The following KCNH8 variants were observed in gnomAD, a reference collection of about 807,000 sequenced individuals.
KCNH8 encodes voltage-gated delayed rectifier potassium channel KCNH8.
Under a neutral mutation model 103.6 loss-of-function variants are expected in KCNH8, and 70 were observed. The observed-to-expected ratio is 0.68, with a 90% CI of 0.56 to 0.82. The LOEUF (loss-of-function observed/expected upper bound fraction) is 0.82, where lower values mean the gene tolerates loss of function less well. KCNH8 is among the 40% of genes least tolerant of loss of function. The probability of loss-of-function intolerance (pLI) is 0.00; values close to 1 mark genes in which losing one functional copy is unlikely to be tolerated. For missense variants in KCNH8, 1,217 were observed against 1,329.9 expected (o/e 0.92, Z 1.32); for synonymous variants, 498 against 489.4 (o/e 1.02, Z -0.23).
chr3:19,348,078 C>A (rs1006052121), intron 5 of KCNH8, 113 bp downstream of exon 5: 1 of 1,304,414 alleles, frequency 7.7e-7, no homozygotes, highest in African/African-American at 1.5e-5. Context: ...CTTGATTCAG[C>A]CTCTGTTGCA....
chr3:19,181,205 T>A (rs2063450105), intron 1 of KCNH8, among the ~76,000 whole-genome samples: 1 of 152,174 alleles, frequency 6.6e-6, no homozygotes, highest in African/African-American at 2.4e-5. Context: ...AAGATATACT[T>A]TATCAAGAGG....
chr3:19,474,205 A>G (rs144249858), intron 11 of KCNH8, among the ~76,000 whole-genome samples: 56 of 152,346 alleles, frequency 3.7e-4, no homozygotes, highest in African/African-American at 1.2e-3. Flanking sequence ...ATTTAAATTT[A>G]AAACAAATTG....
chr3:19,514,529 A>T (rs956875832), intron 13 of KCNH8, among the ~76,000 whole-genome samples: 1 of 151,896 alleles, frequency 6.6e-6, no homozygotes, highest in Non-Finnish European at 1.5e-5. Flanking sequence ...TTTTGAGGAC[A>T]TACATCAAAA....
At chr3:19,352,713 C>G (rs1419836461) in intron 5 of KCNH8, among the ~76,000 whole-genome samples, 1 of 152,144 alleles carries the variant, frequency 6.6e-6, no homozygotes, top group Non-Finnish European at 1.5e-5. Context: ...ATACCAGAAT[C>G]TCTGGGACAC....
intron 11 of KCNH8, among the ~76,000 whole-genome samples, chr3:19,509,450 G>C (rs769798283): frequency 6.6e-6 from 1 of 152,036 alleles, no homozygotes; most frequent in Non-Finnish European, 1.5e-5. Flanking sequence ...GTGTATTTGA[G>C]CAAAAAACAA....
chr3:19,209,576 A>G (rs1387106848), intron 1 of KCNH8, among the ~76,000 whole-genome samples: 2 of 152,094 alleles, frequency 1.3e-5, no homozygotes, highest in Non-Finnish European at 2.9e-5. Flanking sequence ...AGTCATGTAG[A>G]CTACCTTAAA....
At chr3:19,199,779 A>G (rs2125216461) in intron 1 of KCNH8, among the ~76,000 whole-genome samples, 1 of 151,934 alleles carries the variant, frequency 6.6e-6, no homozygotes, top group East Asian at 1.9e-4. Flanking sequence ...AATTATATTG[A>G]TAAATGGCAG....
In KCNH8 at chr3:19,535,183, C is replaced by T. The variant is rs2069244810; in HGVS notation, c.*1084C>T. 6.6e-6 allele frequency: 1 copy of T among 152,122 alleles called. No individual in the cohort carries two copies. The highest frequency in any genetic ancestry group is 1.5e-5 in the Non-Finnish European group (1 of 68,026). 9.4% of individuals were successfully genotyped at this position (152,122 alleles called of 1,614,324 possible). Reference sequence around the variant, plus strand: ...GGAGAAAACCTGGGTGTGTCCTTTCCCAGTGCTTTTCTTTTACAAGAGGTA... The same window carrying T: ...GGAGAAAACCTGGGTGTGTCCTTTCTCAGTGCTTTTCTTTTACAAGAGGTA... On this transcript the variant is annotated 3_prime_UTR_variant, in exon 16 of 16. Coordinates refer to ENST00000328405, the MANE Select transcript of KCNH8 (RefSeq NM_144633.3).
At chr3:19,330,100 G>A (rs532531141) in intron 3 of KCNH8, among the ~76,000 whole-genome samples, 7 of 151,626 alleles carry the variant, frequency 4.6e-5, no homozygotes, top group East Asian at 3.9e-4. Context: ...TTTGTCTCCC[G>A]CAGCATCCAT....
chr3:19,379,654 A>C (rs1157941296), intron 5 of KCNH8, among the ~76,000 whole-genome samples: 1 of 152,134 alleles, frequency 6.6e-6, no homozygotes, highest in Non-Finnish European at 1.5e-5. Flanking sequence ...AAAAAGAAAA[A>C]AGAAAATAAC....
intron 1 of KCNH8, 39 bp from the exon 2 acceptor site, chr3:19,253,615 T>C: frequency 7.0e-7 from 1 of 1,419,126 alleles, no homozygotes; most frequent in Non-Finnish European, 1.0e-6. Flanking sequence ...TTCTCACACT[T>C]ATCTAGTTGC....
At chr3:19,233,562 G>A (rs546214345) in intron 1 of KCNH8, among the ~76,000 whole-genome samples, 36 of 152,252 alleles carry the variant, frequency 2.4e-4, no homozygotes, top group African/African-American at 8.2e-4. Context: ...GCAGATCCTT[G>A]AATAATATTG....
At chr3:19,466,908 G>A (rs1307053870) in intron 11 of KCNH8, among the ~76,000 whole-genome samples, 2 of 151,982 alleles carry the variant, frequency 1.3e-5, no homozygotes, top group Admixed American at 1.3e-4. Context: ...TGATCTGCCT[G>A]CCTCAGCTTC....
intron 11 of KCNH8, among the ~76,000 whole-genome samples, chr3:19,482,481 A>C (rs2068108002): frequency 1.3e-5 from 2 of 152,240 alleles, no homozygotes; most frequent in Non-Finnish European, 2.9e-5. Flanking sequence ...AGTAATTCAT[A>C]CAGTACACTT....
chr3:19,297,409 GTTAT>G (rs2065010579), intron 3 of KCNH8, among the ~76,000 whole-genome samples: 1 of 152,156 alleles, frequency 6.6e-6, no homozygotes. Flanking sequence ...GAAAATATAA[GTTAT>G]TTAACAGTTT....
intron 3 of KCNH8, among the ~76,000 whole-genome samples, chr3:19,299,039 G>A (rs532550133): frequency 6.6e-5 from 10 of 152,030 alleles, no homozygotes; most frequent in Non-Finnish European, 1.5e-4. Flanking sequence ...TTTGAGCAGA[G>A]TGGGAGGTCC....
intron 1 of KCNH8, among the ~76,000 whole-genome samples, chr3:19,175,501 G>A (rs1284726510): frequency 6.6e-6 from 1 of 152,094 alleles, no homozygotes; most frequent in Admixed American, 6.6e-5. Flanking sequence ...GAGCCCCCGC[G>A]CCCGGCCAAC....
intron 15 of KCNH8, among the ~76,000 whole-genome samples, chr3:19,518,439 G>A (rs971980280): frequency 1.3e-5 from 2 of 152,122 alleles, no homozygotes; most frequent in East Asian, 3.9e-4. Context: ...ATGAGCTAAA[G>A]CAAGGTCGTA....
intron 10 of KCNH8, among the ~76,000 whole-genome samples, chr3:19,455,573 CTG>C (rs1226334867): frequency 6.6e-6 from 1 of 152,174 alleles, no homozygotes; most frequent in East Asian, 1.9e-4. Context: ...GGCCACAAGA[CTG>C]TAAAATTAGT....
Sources: gnomAD v4.1 joint callset for allele counts (sites outside exome capture counted in the v4.1 genomes callset) on GRCh38, gnomAD v4.1.1 for gene constraint, MANE v1.5 for transcripts, NCBI Gene and HGNC (gene_info 2026-07-23, HGNC 2026-07-21) for gene names.